Variants in CCDC154 observed in about 807,000 individuals in gnomAD.
CCDC154 encodes the protein coiled-coil domain-containing protein 154.
A neutral mutation model predicts 87.5 loss-of-function variants in CCDC154; 91 were observed. That is an observed-to-expected ratio of 1.04 (90% CI 0.88 to 1.24). The LOEUF (loss-of-function observed/expected upper bound fraction) is 1.24. CCDC154 is among the 50% of genes most tolerant of loss of function. CCDC154 has a pLI of 0.00. For missense variants in CCDC154, 903 were observed against 879.2 expected (o/e 1.03, Z -0.34); for synonymous variants, 418 against 400.4 (o/e 1.04, Z -0.52).
At position 1,438,857 on chromosome 16, in the gene CCDC154, C is replaced by T; in HGVS notation, c.864G>A (p.Gly288=). 6.5e-7 allele frequency: 1 copy of T among 1,548,724 alleles called. No homozygotes were observed. Among genetic ancestry groups the T allele is most frequent in the Non-Finnish European group, 8.7e-7 (1 of 1,146,582 alleles). ...ELESRWEKLR[G]LMEERLRALQ... ...GGGCCCGCAGGCGCTCCTCCATCAG[C>T]CCCCGAAGCTTCTCCCACCGGCTCT... Residue 288 remains glycine, a synonymous_variant, in exon 8 of 17, where the codon GGG becomes GGA. Coordinates refer to ENST00000389176, the MANE Select transcript of CCDC154 (RefSeq NM_001143980.3).
chr16:1,435,152 C>G lies in CCDC154; in HGVS notation c.1629G>C (p.Leu543=). 6.4e-7 allele frequency: 1 copy of G among 1,550,546 alleles called. No homozygotes were observed. The highest frequency in any genetic ancestry group is 1.4e-5 in the African/African-American group (1 of 73,162). The change falls in exon 15 of 17, where the codon CTG becomes CTC. Residue 543 remains leucine, a synonymous_variant. Coordinates refer to ENST00000389176, the MANE Select transcript of CCDC154 (RefSeq NM_001143980.3). ...TCTTGTTGGCCTGGACGCAGTTTTC[C>G]AGCTTCATTATTTGGTTCTGAAACT... ...LATFQNQIMK[L]ENCVQANKTI... is the part of the protein sequence containing the mutation.
rs757354391 is a variant in CCDC154, at chr16:1,434,773, C to G, written c.1772G>C (p.Ser591Thr). 7 of 1,544,146 alleles carry G rather than the reference C, an allele frequency of 4.5e-6. No individual in the cohort carries two copies. In the South Asian group the frequency reaches 8.3e-5, roughly 18 times the overall value. The change falls in exon 16 of 17, where the codon AGC becomes ACC. Residue 591 changes from serine (S) to threonine (T), a missense_variant. Ser to Thr is a moderately conservative substitution (Grantham distance 58). Transcript: ENST00000389176. ...CACCAGGGATGGGAGCGCCTTCCAG[C>G]TGCCCAGCGGCGTCCGCGGGCCCTC... ...SEEGPRTPLG[S>T]WKALPSLVRP... is the part of the protein sequence containing the mutation.
intron 6 of CCDC154, among the ~76,000 whole-genome samples, chr16:1,440,047 T>G (rs2038536712): frequency 6.7e-6 from 1 of 149,478 alleles, no homozygotes; most frequent in African/African-American, 2.5e-5. Flanking sequence ...CTCTGGAGGC[T>G]GAGGCAGGAG....
intron 6 of CCDC154, among the ~76,000 whole-genome samples, chr16:1,439,713 G>C (rs1001324303): frequency 3.3e-5 from 5 of 152,176 alleles, no homozygotes; most frequent in African/African-American, 1.2e-4. Flanking sequence ...GGTCACCTTA[G>C]AGTAGATATT....
chr16:1,444,523 G>A lies in CCDC154; in HGVS notation c.-201C>T, dbSNP rs186597198. 5.4e-4 allele frequency: 212 copies of A among 393,480 alleles called. 2 individuals carry two copies. Among genetic ancestry groups the A allele is most frequent in the Admixed American group, 1.0e-3 (26 of 24,920 alleles). The allele number at this position is 393,480 out of a possible 1,614,324, so 24.4% of individuals were successfully genotyped here. A position where few individuals can be genotyped will look rare whatever the true frequency, so the allele number is the denominator to read the frequency against. On this transcript the variant is annotated 5_prime_UTR_variant, in exon 1 of 17. Transcript: ENST00000389176. ...CCCAGGGAGGCAGGTGTGGGGCAGC[G>A]GGGCCGTTCCAGAACCTTCCTTCTC...
chr16:1,434,419 T>C lies in CCDC154; in HGVS notation c.1993A>G (p.Ile665Val). The C allele has an allele frequency of 6.5e-7, 1 of 1,550,326 alleles. No individual in the cohort carries two copies. Among genetic ancestry groups the C allele is most frequent in the Non-Finnish European group, 8.7e-7 (1 of 1,146,870 alleles). Residue 665 changes from isoleucine (I) to valine (V), a missense_variant, in exon 17 of 17, where the codon ATC becomes GTC. Coordinates refer to ENST00000389176, the MANE Select transcript of CCDC154 (RefSeq NM_001143980.3). ...QVQQLTPSLF[I>V]QK The stretch of plus-strand genomic sequence containing the variant: ...CAAAGCCAGCACGTTTATTTCTGGA[T>C]AAACAGTGAGGGTGTGAGCTGCTGC...
At chr16:1,437,540 G>T in intron 11 of CCDC154, 1 of 429,094 alleles carries the variant, frequency 2.3e-6, no homozygotes, top group Non-Finnish European at 4.1e-6. Flanking sequence ...TGTCTGCCCC[G>T]CCGTGAGCTG....
intron 14 of CCDC154, among the ~76,000 whole-genome samples, chr16:1,435,503 G>A (rs998157258): frequency 3.5e-5 from 5 of 141,392 alleles, no homozygotes; most frequent in African/African-American, 1.5e-4. Context: ...CCCAGGGACA[G>A]CTGTTTTTGT....
At chr16:1,436,195 G>A in intron 13 of CCDC154, 109 bp from the exon 14 acceptor site, 2 of 996,164 alleles carry the variant, frequency 2.0e-6, no homozygotes, top group East Asian at 2.6e-5. Context: ...GAGGCTCGAG[G>A]GGGCTCAGCC....
Position 1,443,865 on chromosome 16 carries a change from C to G in CCDC154, c.155G>C (p.Ser52Thr), listed in dbSNP as rs1011911464. Residue 52 changes from serine to threonine, a missense_variant, in exon 2 of 17, where the codon AGC becomes ACC. Physicochemically the swap from Ser to Thr is moderately conservative, Grantham distance 58 (BLOSUM62 1). Coordinates refer to ENST00000389176, the MANE Select transcript of CCDC154 (RefSeq NM_001143980.3). ...GACAGAGGCCGTGGATGTCGGATGGCTGGACTCATACCTCTCCGAGAGCTC... is the reference window on the plus strand; with the variant it reads ...GACAGAGGCCGTGGATGTCGGATGGGTGGACTCATACCTCTCCGAGAGCTC... The part of the protein sequence containing the change: ...LEELSERYES[S>T]HPTSTASVPE... The G allele has an allele frequency of 6.9e-6, 9 of 1,304,210 alleles. No homozygotes were observed. Among genetic ancestry groups the G allele is most frequent in the Non-Finnish European group, 8.1e-6 (8 of 989,020 alleles). The allele number at this position is 1,304,210 out of a possible 1,614,324, so 80.8% of individuals were successfully genotyped here.
chr16:1,442,279 A>G (rs2038558446), intron 6 of CCDC154, 127 bp downstream of exon 6: 1 of 1,122,690 alleles, frequency 8.9e-7, no homozygotes. Context: ...GTCTACAACT[A>G]TAGCTGATTT....
chr16:1,437,125 C>T (rs552932841), intron 11 of CCDC154: 112 of 395,316 alleles, frequency 2.8e-4, no homozygotes, highest in Non-Finnish European at 4.5e-4. Flanking sequence ...TTTGCAGCCG[C>T]GCTCGCGTGT....
chr16:1,444,305 G>T lies in CCDC154; in HGVS notation c.7+11C>A. On this transcript the variant is annotated intron_variant, in intron 1 of 16. Coordinates refer to ENST00000389176, the MANE Select transcript of CCDC154 (RefSeq NM_001143980.3). ...GCCCCTCCCTGGGCCCCGCTCCTCC[G>T]CTCTGGTCACCTGACATGGCTGCTG... 7.7e-7 allele frequency: 1 copy of T among 1,302,204 alleles called. No homozygotes were observed. The allele number at this position is 1,302,204 out of a possible 1,614,324, so 80.7% of individuals were successfully genotyped here. A position where few individuals can be genotyped will look rare whatever the true frequency, so the allele number is the denominator to read the frequency against.
chr16:1,440,710 G>C (rs958867579), intron 6 of CCDC154, among the ~76,000 whole-genome samples: 3 of 152,014 alleles, frequency 2.0e-5, no homozygotes, highest in Admixed American at 6.6e-5. Context: ...CAGCACTTTG[G>C]GAGGCCGAGA....
rs2038525535 is a variant in CCDC154, at chr16:1,438,816, T to G, written c.905A>C (p.Glu302Ala). Residue 302 changes from glutamate (E) to alanine (A), a missense_variant and splice_region_variant, in exon 8 of 17, where the codon GAG becomes GCG. Transcript: ENST00000389176. ...ERLRALQGQH[E>A]ESHLLEQCQG... Reference sequence around the variant, plus strand: ...TGCCCGCCGCCCGCCCGGCCCCACCTCATGCTGCCCCTGCAGGGCCCGCAG... The same window carrying G: ...TGCCCGCCGCCCGCCCGGCCCCACCGCATGCTGCCCCTGCAGGGCCCGCAG... 1.3e-6 allele frequency: 2 copies of G among 1,522,964 alleles called. No homozygotes were observed. The highest frequency in any genetic ancestry group is 1.8e-6 in the Non-Finnish European group (2 of 1,127,730). The allele number at this position is 1,522,964 out of a possible 1,614,324, so 94.3% of individuals were successfully genotyped here. A position where few individuals can be genotyped will look rare whatever the true frequency, so the allele number is the denominator to read the frequency against.
intron 6 of CCDC154, among the ~76,000 whole-genome samples, chr16:1,440,649 A>G (rs2038543326): frequency 6.6e-6 from 1 of 151,778 alleles, no homozygotes; most frequent in Admixed American, 6.6e-5. Context: ...TCTACAAAAC[A>G]TCAAAAAATT....
chr16:1,438,054 ACCAGCT>A lies in CCDC154; in HGVS notation c.1142_1147del (p.Glu381_Leu382del), dbSNP rs1391549471. On this transcript the variant is annotated inframe_deletion, in exon 10 of 17. Transcript: ENST00000389176. ...CATGTTGCGCTACCCCCTCACCAGC[ACCAGCT>A]CTCCATGCATCTCCTGCCGGGCCAG... 6.5e-7 allele frequency: 1 copy of A among 1,547,696 alleles called. No homozygotes were observed. Among genetic ancestry groups the A allele is most frequent in the East Asian group, 2.4e-5 (1 of 40,828 alleles).
Position 1,438,140 on chromosome 16 carries a change from C to T in CCDC154, c.1062G>A (p.Gly354=), listed in dbSNP as rs12925639. The change falls in exon 10 of 17, where the codon GGG becomes GGA. Residue 354 remains glycine, a synonymous_variant. Transcript: ENST00000389176. The part of the protein sequence containing the change: ...AKGRLEESRA[G]ELAAYVQENL... ...TCTCCTGCACATAGGCGGCCAGCTC[C>T]CCAGCCCGGCTTTCCTCCAAGCGCC... 0.21 allele frequency: 331,561 copies of T among 1,547,004 alleles called. 37,459 individuals carry two copies. The highest frequency in any genetic ancestry group is 0.35 in the African/African-American group (25,558 of 73,034).
At position 1,444,000 on chromosome 16, in the gene CCDC154, C is replaced by T. The variant is rs2142358767; in HGVS notation, c.20G>A (p.Ser7Asn). 1.5e-6 allele frequency: 2 copies of T among 1,300,262 alleles called. No homozygotes were observed. Among genetic ancestry groups the T allele is most frequent in the East Asian group, 5.6e-5 (1 of 18,018 alleles). 80.5% of individuals were successfully genotyped at this position (1,300,262 alleles called of 1,614,324 possible). A position where few individuals can be genotyped will look rare whatever the true frequency, so the allele number is the denominator to read the frequency against. The change falls in exon 2 of 17, where the codon AGT becomes AAT. Residue 7 changes from serine (S) to asparagine (N), a missense_variant. Ser to Asn is a conservative substitution (Grantham distance 46, BLOSUM62 1). Transcript: ENST00000389176. MSELAD[S>N]GPSGASAPSQ... is the part of the protein sequence containing the mutation. The stretch of plus-strand genomic sequence containing the variant: ...AGGGGCCGATGCCCCTGAGGGTCCA[C>T]TGTCAGCCAACTCTACAAGGAGGCA...
Sources: gnomAD v4.1 joint callset for allele counts (sites outside exome capture counted in the v4.1 genomes callset) on GRCh38, gnomAD v4.1.1 for gene constraint, MANE v1.5 for transcripts, NCBI Gene and HGNC (gene_info 2026-07-23, HGNC 2026-07-21) for gene names.